DLGAP1: variants seen among roughly 807,000 people sequenced by gnomAD.
The protein encoded by DLGAP1 is DLG associated protein 1.
DLGAP1 carries 11 observed loss-of-function variants against 90.8 expected under a neutral mutation model. The ratio of observed to expected loss-of-function variants is 0.12; its 90% CI spans 0.08 to 0.20. The LOEUF (loss-of-function observed/expected upper bound fraction) is 0.20. Ranked by LOEUF, DLGAP1 falls within the 10% of genes least tolerant of loss-of-function variation. DLGAP1 has a pLI of 1.00. For missense variants in DLGAP1, 1,050 were observed against 1,333.8 expected, an observed-to-expected ratio of 0.79 and a Z score of 3.31; for synonymous variants, 558 against 540.7, an observed-to-expected ratio of 1.03 and a Z score of -0.44.
intron 10 of DLGAP1, among the ~76,000 whole-genome samples, chr18:3,524,429 G>A (rs188213422): frequency 3.9e-5 from 6 of 152,210 alleles, no homozygotes; most frequent in Non-Finnish European, 7.4e-5. Context: ...TCTTGTATTA[G>A]GGCGTCTTGT....
chr18:4,091,305 T>A (rs1165430285), intron 2 of DLGAP1, among the ~76,000 whole-genome samples: 1 of 152,254 alleles, frequency 6.6e-6, no homozygotes, highest in African/African-American at 2.4e-5. Flanking sequence ...CTAAGATGTC[T>A]GATCTTTGGA....
Position 3,686,471 on chromosome 18 carries a change from T to A in DLGAP1, c.1591+42664A>T, listed in dbSNP as rs556400395. Among the ~76,000 whole-genome samples the A allele has an allele frequency of 2.6e-5, 4 of 152,364 alleles. No homozygotes were observed. In the South Asian group the frequency reaches 8.3e-4, roughly 32 times the overall value. On this transcript the variant is annotated intron_variant, in intron 7 of 12. Transcript: ENST00000315677. The stretch of plus-strand genomic sequence containing the variant: ...GATAATAATAAATATTGCATATTTT[T>A]ATTCAGTTTATATATTGTAGGGCAA...
intron 10 of DLGAP1, among the ~76,000 whole-genome samples, chr18:3,524,026 T>C (rs2051439876): frequency 6.6e-6 from 1 of 152,158 alleles, no homozygotes; most frequent in East Asian, 1.9e-4. Flanking sequence ...CCCAGCATTT[T>C]TGGAGGCCAA....
chr18:3,937,286 G>A (rs1158203448), intron 3 of DLGAP1, among the ~76,000 whole-genome samples: 3 of 152,172 alleles, frequency 2.0e-5, no homozygotes, highest in East Asian at 1.9e-4. Context: ...ATGTTTAATT[G>A]ACTCGCAGTT....
At chr18:3,795,612 C>A (rs918376060) in intron 5 of DLGAP1, among the ~76,000 whole-genome samples, 8 of 152,088 alleles carry the variant, frequency 5.3e-5, no homozygotes, top group Non-Finnish European at 1.0e-4. Context: ...CCGCGCCTGG[C>A]CTGTTTTCTA....
chr18:3,744,704 G>T (rs1018768069), intron 5 of DLGAP1, among the ~76,000 whole-genome samples: 1 of 152,068 alleles, frequency 6.6e-6, no homozygotes, highest in East Asian at 1.9e-4. Context: ...CGCCACCGCG[G>T]CCGGCTAATT....
At chr18:4,184,424 A>G (rs950856224) in intron 1 of DLGAP1, among the ~76,000 whole-genome samples, 12 of 152,190 alleles carry the variant, frequency 7.9e-5, no homozygotes, top group Non-Finnish European at 1.2e-4. Context: ...TCAACAGTCA[A>G]GAATTCTCCT....
At chr18:4,105,989 G>C (rs762170409) in intron 2 of DLGAP1, among the ~76,000 whole-genome samples, 1 of 129,306 alleles carries the variant, frequency 7.7e-6, no homozygotes, top group Admixed American at 1.0e-4. Flanking sequence ...CCGAGATCGC[G>C]CCACTGCACT....
intron 5 of DLGAP1, among the ~76,000 whole-genome samples, chr18:3,809,253 C>T (rs529761692): frequency 2.6e-5 from 4 of 152,190 alleles, no homozygotes; most frequent in Middle Eastern, 3.4e-3. Flanking sequence ...TAGGGAGAGC[C>T]GCCCAAGTGG....
chr18:3,651,137 GA>G, intron 7 of DLGAP1, among the ~76,000 whole-genome samples: 1 of 151,656 alleles, frequency 6.6e-6, no homozygotes. Flanking sequence ...GAGGTGGGCG[GA>G]TCATGAGGTC....
chr18:4,346,751 T>C (rs2081308605), intron 1 of DLGAP1, among the ~76,000 whole-genome samples: 1 of 152,170 alleles, frequency 6.6e-6, no homozygotes, highest in Admixed American at 6.6e-5. Flanking sequence ...CATTGCATTA[T>C]TTCTGTATAT....
At chr18:4,216,840 G>T (rs1051941526) in intron 1 of DLGAP1, among the ~76,000 whole-genome samples, 1 of 151,968 alleles carries the variant, frequency 6.6e-6, no homozygotes, top group African/African-American at 2.4e-5. Flanking sequence ...TGCATGAGTG[G>T]GGTACATTTA....
intron 1 of DLGAP1, among the ~76,000 whole-genome samples, chr18:4,309,527 T>C (rs556672343): frequency 6.6e-6 from 1 of 152,262 alleles, no homozygotes; most frequent in African/African-American, 2.4e-5. Context: ...AGAGCCTCTA[T>C]CTTCCCCGAA....
intron 1 of DLGAP1, among the ~76,000 whole-genome samples, chr18:4,403,572 C>G (rs1261947421): frequency 6.6e-6 from 1 of 152,034 alleles, no homozygotes; most frequent in Non-Finnish European, 1.5e-5. Flanking sequence ...GTTTCCCTCC[C>G]CCATTGATTA....
At chr18:4,253,633 C>A (rs1292854616) in intron 1 of DLGAP1, among the ~76,000 whole-genome samples, 3 of 152,142 alleles carry the variant, frequency 2.0e-5, no homozygotes, top group Non-Finnish European at 4.4e-5. Context: ...TGTTCTTGAA[C>A]TCCTGGCCTC....
chr18:3,534,006 G>A (rs942138765), intron 10 of DLGAP1, among the ~76,000 whole-genome samples, 188 bp downstream of exon 10: 1 of 152,090 alleles, frequency 6.6e-6, no homozygotes, highest in Non-Finnish European at 1.5e-5. Flanking sequence ...GAGTTTTCTT[G>A]GTTTTGTGCT....
intron 1 of DLGAP1, among the ~76,000 whole-genome samples, chr18:4,296,118 A>C (rs922248610): frequency 1.3e-5 from 2 of 152,226 alleles, no homozygotes; most frequent in African/African-American, 4.8e-5. Context: ...ACATTCAAGC[A>C]ACCTTCTATG....
chr18:3,817,271 T>A (rs952744929), intron 4 of DLGAP1, among the ~76,000 whole-genome samples: 3 of 152,150 alleles, frequency 2.0e-5, no homozygotes, highest in African/African-American at 7.2e-5. Flanking sequence ...TGTTCAGATA[T>A]TTTTTTCAAA....
intron 6 of DLGAP1, among the ~76,000 whole-genome samples, chr18:3,741,067 C>CCT (rs1665441559): frequency 3.3e-4 from 36 of 108,640 alleles, no homozygotes; most frequent in African/African-American, 1.3e-3. Flanking sequence ...ATCACCACCA[C>CCT]CACCACCACC....
Sources: gnomAD v4.1 joint callset for allele counts (sites outside exome capture counted in the v4.1 genomes callset) on GRCh38, gnomAD v4.1.1 for gene constraint, MANE v1.5 for transcripts, NCBI Gene and HGNC (gene_info 2026-07-23, HGNC 2026-07-21) for gene names.